The following GRIP1 variants were observed in gnomAD, a reference collection of about 807,000 sequenced individuals.
GRIP1 encodes the protein glutamate receptor-interacting protein 1.
A neutral mutation model predicts 129.9 loss-of-function variants in GRIP1; 45 were observed. That is an observed-to-expected ratio of 0.35 (90% CI 0.27 to 0.44). The LOEUF (loss-of-function observed/expected upper bound fraction) is 0.44, where lower values mean the gene tolerates loss of function less well. GRIP1 is among the 20% of genes least tolerant of loss of function. The pLI is 1.00. For missense variants in GRIP1, 1,196 were observed against 1,396.8 expected (o/e 0.86, Z 2.29); for synonymous variants, 530 against 520.8 (o/e 1.02, Z -0.24).
At chr12:67,020,544 A>C (rs1407209952) in intron 1 of GRIP1, among the ~76,000 whole-genome samples, 1 of 152,058 alleles carries the variant, frequency 6.6e-6, no homozygotes, top group African/African-American at 2.4e-5. Context: ...AGCAGCTGGG[A>C]CTAAAGGTAC....
At chr12:66,617,132 C>A (rs988054174) in intron 1 of GRIP1, among the ~76,000 whole-genome samples, 32 of 84,630 alleles carry the variant, frequency 3.8e-4, no homozygotes, top group African/African-American at 6.2e-4. Flanking sequence ...TGTGTCTGCA[C>A]GTGTGTAGAT....
At chr12:66,608,138 G>C (rs2064621741) in intron 1 of GRIP1, among the ~76,000 whole-genome samples, 1 of 152,176 alleles carries the variant, frequency 6.6e-6, no homozygotes, top group Admixed American at 6.6e-5. Context: ...TCAGGCAATA[G>C]CAGATGACTG....
At chr12:67,033,377 G>A (rs2043051382) in intron 1 of GRIP1, among the ~76,000 whole-genome samples, 1 of 151,332 alleles carries the variant, frequency 6.6e-6, no homozygotes, top group Admixed American at 6.6e-5. Flanking sequence ...GAGATGTCAG[G>A]TTTTACTTTC....
chr12:66,855,885 C>T (rs1046449464), intron 1 of GRIP1, among the ~76,000 whole-genome samples: 10 of 152,088 alleles, frequency 6.6e-5, no homozygotes, highest in African/African-American at 2.4e-4. Context: ...TTCATGCAGA[C>T]TTCTAACCTC....
At chr12:66,975,186 G>A (rs1179721804) in intron 1 of GRIP1, among the ~76,000 whole-genome samples, 2 of 152,116 alleles carry the variant, frequency 1.3e-5, no homozygotes, top group African/African-American at 4.8e-5. Context: ...CAAGGTCAGA[G>A]GTCACATCAC....
chr12:66,740,810 A>AT (rs1234791404), intron 1 of GRIP1, among the ~76,000 whole-genome samples: 3 of 152,024 alleles, frequency 2.0e-5, no homozygotes, highest in African/African-American at 7.3e-5. Flanking sequence ...GCTTGGAGAG[A>AT]TAAAAAAAAA....
At chr12:66,866,359 C>T (rs11176465) in intron 1 of GRIP1, among the ~76,000 whole-genome samples, 1 of 151,976 alleles carries the variant, frequency 6.6e-6, no homozygotes, top group South Asian at 2.1e-4. Context: ...TGTAGTCCCA[C>T]TTACTTGGGA....
intron 1 of GRIP1, among the ~76,000 whole-genome samples, chr12:66,854,863 C>T (rs1384203315): frequency 6.6e-6 from 1 of 151,960 alleles, no homozygotes; most frequent in Non-Finnish European, 1.5e-5. Context: ...ACACACTACC[C>T]TATACAGCAA....
At chr12:66,715,987 T>G (rs1230441864) in intron 1 of GRIP1, among the ~76,000 whole-genome samples, 1 of 151,974 alleles carries the variant, frequency 6.6e-6, no homozygotes, top group Non-Finnish European at 1.5e-5. Context: ...TGGAGATTTA[T>G]TTATACCCAT....
intron 1 of GRIP1, among the ~76,000 whole-genome samples, chr12:66,908,160 G>A (rs901583299): frequency 3.3e-5 from 5 of 151,962 alleles, no homozygotes; most frequent in Non-Finnish European, 7.4e-5. Flanking sequence ...GCTTCTAAAT[G>A]TCCTAGTCTT....
chr12:66,569,761 C>T (rs866403721), intron 2 of GRIP1, among the ~76,000 whole-genome samples: 1 of 152,158 alleles, frequency 6.6e-6, no homozygotes, highest in African/African-American at 2.4e-5. Flanking sequence ...GGGCTGCTTC[C>T]GAGCACCCCT....
intron 1 of GRIP1, among the ~76,000 whole-genome samples, chr12:66,931,706 C>G (rs573710368): frequency 6.6e-6 from 1 of 151,954 alleles, no homozygotes; most frequent in Non-Finnish European, 1.5e-5. Flanking sequence ...TAAATTCAAC[C>G]CCAGAAATTA....
In GRIP1 at chr12:66,827,387, T is replaced by TGTGTGTGTGAGAGAGAGAGAGAGA. The variant is rs755458052; in HGVS notation, c.59-230461_59-230460insTCTCTCTCTCTCTCTCACACACAC. On this transcript the variant is annotated intron_variant, in intron 1 of 1. Coordinates refer to the GRIP1 transcript ENST00000643019. ...AGGTGTGTGTGTGTGTGTGTGTGTG[T>TGTGTGTGTGAGAGAGAGAGAGAGA]GAGAGAGAGAGAGAGAGAGAGAGAG... Among the ~76,000 whole-genome samples the TGTGTGTGTGAGAGAGAGAGAGAGA allele has an allele frequency of 1.7e-3, 182 of 108,258 alleles. 1 individual carries two copies. Among genetic ancestry groups the TGTGTGTGTGAGAGAGAGAGAGAGA allele is most frequent in the East Asian group, 4.3e-3 (12 of 2,760 alleles). 71.0% of individuals were successfully genotyped at this position (108,258 alleles called of 152,430 possible).
chr12:66,600,223 T>C (rs567158898), intron 1 of GRIP1, among the ~76,000 whole-genome samples: 26 of 152,342 alleles, frequency 1.7e-4, no homozygotes, highest in African/African-American at 6.0e-4. Context: ...AAAAGCAATG[T>C]CAATATAGCT....
At chr12:66,646,830 GT>G (rs1236231742) in intron 1 of GRIP1, among the ~76,000 whole-genome samples, 2 of 152,172 alleles carry the variant, frequency 1.3e-5, no homozygotes, top group Non-Finnish European at 2.9e-5. Context: ...GAAGAGGTGA[GT>G]GCTGAAAGGA....
At chr12:66,750,460 T>C (rs531883599) in intron 1 of GRIP1, among the ~76,000 whole-genome samples, 1 of 152,236 alleles carries the variant, frequency 6.6e-6, no homozygotes, top group African/African-American at 2.4e-5. Context: ...GCCAGCTGTT[T>C]ATATGAATTG....
rs114435386 is a variant in GRIP1 at position 66,461,966 on chromosome 12, C to A, written c.1042+958G>T. On this transcript the variant is annotated intron_variant, in intron 9 of 24. Coordinates refer to ENST00000359742, the MANE Select transcript of GRIP1 (RefSeq NM_001366722.1). Reference sequence around the variant, plus strand: ...TAAGGAATAGGGCAGGAGAGGGAGTCGGAACAAATATCCTACTGGAAAACT... The same window carrying A: ...TAAGGAATAGGGCAGGAGAGGGAGTAGGAACAAATATCCTACTGGAAAACT... Among the ~76,000 whole-genome samples, 197 of 152,222 alleles carry A rather than the reference C, an allele frequency of 1.3e-3. 1 individual carries two copies. Among genetic ancestry groups the A allele is most frequent in the African/African-American group, 4.6e-3 (190 of 41,530 alleles).
At chr12:66,512,365 G>C (rs1813738) in intron 7 of GRIP1, among the ~76,000 whole-genome samples, 3,342 of 152,150 alleles carry the variant, frequency 0.022, 110 homozygotes, top group African/African-American at 0.077. Flanking sequence ...CTAGAGACTT[G>C]TTGAATGGTT....
chr12:66,376,240 A>C (rs1495497), intron 22 of GRIP1, among the ~76,000 whole-genome samples: 2,502 of 152,122 alleles, frequency 0.016, 76 homozygotes, highest in African/African-American at 0.057. Context: ...ACATAAAATA[A>C]CCACACATGC....
Sources: gnomAD v4.1 joint callset for allele counts (sites outside exome capture counted in the v4.1 genomes callset) on GRCh38, gnomAD v4.1.1 for gene constraint, MANE v1.5 for transcripts, NCBI Gene and HGNC (gene_info 2026-07-23, HGNC 2026-07-21) for gene names.